EIF3H: variants seen among roughly 807,000 people sequenced by gnomAD.
EIF3H encodes the protein eukaryotic translation initiation factor 3 subunit H.
In EIF3H, 26 loss-of-function variants were observed where a neutral mutation model predicts 44.2. The ratio of observed to expected loss-of-function variants is 0.59; its 90% CI spans 0.43 to 0.82. The LOEUF is 0.82. Among genes scored for constraint, EIF3H ranks in the 40% least tolerant of loss-of-function variants. The probability of loss-of-function intolerance (pLI) is 0.00; values close to 1 mark genes in which losing one functional copy is unlikely to be tolerated. For synonymous variants in EIF3H, 166 were observed against 151.9 expected (o/e 1.09, Z -0.68); for missense variants, 359 against 432.8 (o/e 0.83, Z 1.51).
intron 3 of EIF3H, chr8:116,657,523 T>C (rs1813511235): frequency 2.2e-5 from 12 of 536,412 alleles, no homozygotes; most frequent in Non-Finnish European, 3.6e-5. Context: ...CTACTTACAA[T>C]AGAGTAATTT....
Position 116,657,298 on chromosome 8 carries a change from G to A in EIF3H, c.474C>T (p.Ala158=), listed in dbSNP as rs757333086. ...ATGCCTTTAGTGAGAGAGATCCTTG[G>A]GCAGTTTTTATGGGATCTCAAACAA... ...VVLIYDPIKT[A]QGSLSLKAYR... is the part of the protein sequence containing the mutation. Residue 158 remains alanine, a synonymous_variant, in exon 4 of 8, where the codon GCC becomes GCT. Coordinates refer to ENST00000521861, the MANE Select transcript of EIF3H (RefSeq NM_003756.3). 11 of 1,613,080 alleles carry A rather than the reference G, an allele frequency of 6.8e-6. No homozygotes were observed. The African/African-American group carries it at 1.1e-4, about 16-fold the overall frequency.
chr8:116,673,282 C>T (rs1484566973), intron 2 of EIF3H, among the ~76,000 whole-genome samples: 2 of 152,126 alleles, frequency 1.3e-5, no homozygotes, highest in African/African-American at 4.8e-5. Flanking sequence ...TAAGACTCCA[C>T]CCTAAATGTC....
At position 116,718,797 on chromosome 8, in the gene EIF3H, G is replaced by A. The variant is rs147434142; in HGVS notation, c.289+7219C>T. 5.9e-3 allele frequency among the ~76,000 whole-genome samples: 898 copies of A among 151,930 alleles called. 6 individuals carry two copies. Among genetic ancestry groups the A allele is most frequent in the African/African-American group, 0.02 (825 of 41,438 alleles). On this transcript the variant is annotated intron_variant, in intron 2 of 7. Transcript: ENST00000521861. Reference sequence around the variant, plus strand: ...ACAGTGTACACTGCTCAGGTGATGGGTGAACCAAAATCTCAGAAATCACCA... The same window carrying A: ...ACAGTGTACACTGCTCAGGTGATGGATGAACCAAAATCTCAGAAATCACCA...
intron 2 of EIF3H, among the ~76,000 whole-genome samples, chr8:116,696,475 C>G (rs1814270632): frequency 6.6e-6 from 1 of 152,098 alleles, no homozygotes; most frequent in African/African-American, 2.4e-5. Context: ...CCATAAAATA[C>G]TTGGGAATGG....
chr8:116,752,869 G>A (rs1298961663), intron 1 of EIF3H, among the ~76,000 whole-genome samples: 5 of 151,084 alleles, frequency 3.3e-5, no homozygotes, highest in African/African-American at 1.2e-4. Flanking sequence ...AGAGAGAGAA[G>A]AGAAGAGTTT....
At chr8:116,766,167 G>A (rs1405503731) in exon 1 of EIF3H, 1 of 156,234 alleles carries the variant, frequency 6.4e-6, no homozygotes, top group East Asian at 1.9e-4. Flanking sequence ...AAATCACTTA[G>A]GACAGTGTCT....
intron 2 of EIF3H, among the ~76,000 whole-genome samples, chr8:116,702,464 T>C (rs1814393905): frequency 6.6e-6 from 1 of 152,196 alleles, no homozygotes; most frequent in African/African-American, 2.4e-5. Context: ...GATAAGTTTG[T>C]CCTATTATTT....
intron 5 of EIF3H, among the ~76,000 whole-genome samples, chr8:116,653,927 C>A (rs1036027169): frequency 6.6e-6 from 1 of 152,188 alleles, no homozygotes; most frequent in African/African-American, 2.4e-5. Flanking sequence ...AAAGGAAAGA[C>A]CAAGTTTAAG....
intron 1 of EIF3H, among the ~76,000 whole-genome samples, chr8:116,763,301 T>C (rs1330408336): frequency 1.3e-5 from 2 of 152,212 alleles, no homozygotes; most frequent in East Asian, 3.8e-4. Flanking sequence ...ATGCATATGA[T>C]ATATCAATAT....
chr8:116,741,624 TAC>T (rs1379255199), intron 1 of EIF3H, among the ~76,000 whole-genome samples: 3 of 152,230 alleles, frequency 2.0e-5, no homozygotes, highest in East Asian at 3.8e-4. Flanking sequence ...TCGGCTTTAT[TAC>T]AGTTTTGTAG....
upstream of EIF3H, among the ~76,000 whole-genome samples, chr8:116,760,075 A>G (rs543718878): frequency 9.8e-5 from 15 of 152,294 alleles, no homozygotes; most frequent in East Asian, 2.9e-3. Context: ...ATATGCTATC[A>G]TGGATCTGGA....
Position 116,644,973 on chromosome 8 carries a change from C to T in EIF3H, c.*33G>A. On this transcript the variant is annotated 3_prime_UTR_variant, in exon 8 of 8. Transcript: ENST00000521861. ...TTGCCCTGGTGTGACTTCAAGAGTT[C>T]ATGTTAACTTCTTTTCTGGAAACTT... The T allele has an allele frequency of 1.3e-6, 2 of 1,535,886 alleles. No individual in the cohort carries two copies. Among genetic ancestry groups the T allele is most frequent in the Non-Finnish European group, 1.8e-6 (2 of 1,110,390 alleles).
At chr8:116,676,994 A>G (rs533818480) in intron 2 of EIF3H, among the ~76,000 whole-genome samples, 3 of 152,300 alleles carry the variant, frequency 2.0e-5, no homozygotes, top group Non-Finnish European at 2.9e-5. Flanking sequence ...AGCTCTCCTT[A>G]TGGTATGTAA....
chr8:116,724,693 A>C (rs935644833), intron 2 of EIF3H, among the ~76,000 whole-genome samples: 3 of 152,224 alleles, frequency 2.0e-5, no homozygotes, highest in Non-Finnish European at 4.4e-5. Flanking sequence ...AAAGATGCTC[A>C]ACATCAGTAA....
intron 6 of EIF3H, among the ~76,000 whole-genome samples, chr8:116,647,389 C>A (rs1481751172): frequency 6.6e-6 from 1 of 151,986 alleles, no homozygotes; most frequent in African/African-American, 2.4e-5. Flanking sequence ...CGAGAGCCAC[C>A]ACTCCTGGCC....
At chr8:116,757,165 G>A (rs1716494843), upstream of EIF3H, among the ~76,000 whole-genome samples, 2 of 151,988 alleles carry the variant, frequency 1.3e-5, no homozygotes, top group Non-Finnish European at 2.9e-5. Context: ...ATCCAACTAA[G>A]GTTTTGCAGC....
rs939274109 is a variant in EIF3H at position 116,728,525 on chromosome 8, C to G, written c.133-2353G>C. Among the ~76,000 whole-genome samples the G allele has an allele frequency of 4.6e-5, 7 of 152,000 alleles. No individual in the cohort carries two copies. The South Asian group carries it at 1.5e-3, about 31-fold the overall frequency. ...ATAGACAACAGATATGCAGTAAAAA[C>G]TGTGTTATGAATAGACCCAAAAAGA... On this transcript the variant is annotated intron_variant, in intron 1 of 7. Transcript: ENST00000521861.
At chr8:116,706,385 A>G (rs1440646168) in intron 2 of EIF3H, among the ~76,000 whole-genome samples, 4 of 152,182 alleles carry the variant, frequency 2.6e-5, no homozygotes, top group Non-Finnish European at 4.4e-5. Flanking sequence ...CTCTTCACAC[A>G]GCTAGTTACT....
Position 116,701,442 on chromosome 8 carries a change from G to A in EIF3H, c.289+24574C>T, listed in dbSNP as rs554285444. On this transcript the variant is annotated intron_variant, in intron 2 of 7. Transcript: ENST00000521861. ...TCTTTGATGTTCCTTCCCACCAAGC[G>A]ACAGAATTTAATTCCCCTCCTCTTA... 5.5e-4 allele frequency among the ~76,000 whole-genome samples: 84 copies of A among 152,194 alleles called. 1 individual carries two copies. The highest frequency in any genetic ancestry group is 1.9e-3 in the African/African-American group (80 of 41,532).
Sources: gnomAD v4.1 joint callset for allele counts (sites outside exome capture counted in the v4.1 genomes callset) on GRCh38, gnomAD v4.1.1 for gene constraint, MANE v1.5 for transcripts, NCBI Gene and HGNC (gene_info 2026-07-23, HGNC 2026-07-21) for gene names.